Variants in TRPC6 observed in about 807,000 individuals in gnomAD.
The protein encoded by TRPC6 is short transient receptor potential channel 6.
In TRPC6, 55 loss-of-function variants were observed where a neutral mutation model predicts 90.7. The ratio of observed to expected loss-of-function variants is 0.61; its 90% CI spans 0.49 to 0.76. The LOEUF (loss-of-function observed/expected upper bound fraction) is 0.76. Ranked by LOEUF, TRPC6 falls within the 30% of genes least tolerant of loss-of-function variation. The probability of loss-of-function intolerance (pLI) is 0.00; values close to 1 mark genes in which losing one functional copy is unlikely to be tolerated. For missense variants in TRPC6, 989 were observed against 1,122.7 expected (o/e 0.88, Z 1.70); for synonymous variants, 393 against 393.0 (o/e 1.00, Z 0.00).
intron 10 of TRPC6, among the ~76,000 whole-genome samples, chr11:101,461,731 C>T (rs1364679044): frequency 1.3e-5 from 2 of 152,072 alleles, no homozygotes; most frequent in East Asian, 1.9e-4. Context: ...TTTGCAGGTA[C>T]CAAAACTATA....
chr11:101,583,453 G>C lies in TRPC6; in HGVS notation c.51C>G (p.Gly17=), dbSNP rs1862250209. The C allele has an allele frequency of 2.6e-6, 4 of 1,535,476 alleles. No individual in the cohort carries two copies. Among genetic ancestry groups the C allele is most frequent in the Non-Finnish European group, 3.5e-6 (4 of 1,139,860 alleles). Residue 17 remains glycine, a synonymous_variant, in exon 1 of 13, where the codon GGC becomes GGG. Coordinates refer to ENST00000344327, the MANE Select transcript of TRPC6 (RefSeq NM_004621.6). The part of the protein sequence containing the change: ...FGPRRGSSPR[G]AAGAAARRNE... ...TGCGCCGCGCAGCGGCTCCGGCAGC[G>C]CCCCGGGGAGAACTGCCCCTCCGGG...
chr11:101,477,397 A>C (rs904484911), intron 5 of TRPC6, among the ~76,000 whole-genome samples: 2 of 151,918 alleles, frequency 1.3e-5, no homozygotes, highest in African/African-American at 4.8e-5. Context: ...ACTAACATAC[A>C]CTGGAAAAAT....
In TRPC6 at chr11:101,471,294, C is replaced by A; in HGVS notation, c.2298G>T (p.Leu766=). Residue 766 remains leucine (L), a synonymous_variant, in exon 9 of 13, where the codon CTG becomes CTT. Transcript: ENST00000344327. ...EGRTLPVPFN[L]VPSPKSLFYL... is the part of the protein sequence containing the mutation. ...AAAACAGGGACTTTGGACTCGGCACCAGATTGAAGGGTACAGGAAGTGTTC... is the reference window on the plus strand; with the variant it reads ...AAAACAGGGACTTTGGACTCGGCACAAGATTGAAGGGTACAGGAAGTGTTC... The A allele has an allele frequency of 6.2e-7, 1 of 1,613,936 alleles. No homozygotes were observed. The highest frequency in any genetic ancestry group is 8.5e-7 in the Non-Finnish European group (1 of 1,179,890).
At chr11:101,465,333 T>C (rs1859117233) in intron 10 of TRPC6, among the ~76,000 whole-genome samples, 3 of 152,256 alleles carry the variant, frequency 2.0e-5, no homozygotes, top group Admixed American at 1.3e-4. Context: ...AATGTTGGCC[T>C]GTCTTACTGG....
At chr11:101,549,696 AAAT>A (rs1239983224) in intron 1 of TRPC6, among the ~76,000 whole-genome samples, 1 of 141,898 alleles carries the variant, frequency 7.0e-6, no homozygotes, top group Non-Finnish European at 1.5e-5. Flanking sequence ...GAATATTTCA[AAAT>A]AAATAATAAA....
intron 2 of TRPC6, among the ~76,000 whole-genome samples, chr11:101,499,605 T>TAC (rs1268542408): frequency 2.8e-5 from 3 of 106,010 alleles, no homozygotes; most frequent in African/African-American, 1.2e-4. Flanking sequence ...TACGTATATA[T>TAC]GGTATATATA....
At chr11:101,570,549 C>T (rs890561246) in intron 1 of TRPC6, among the ~76,000 whole-genome samples, 1 of 152,118 alleles carries the variant, frequency 6.6e-6, no homozygotes, top group Non-Finnish European at 1.5e-5. Context: ...CTGATACCAA[C>T]ACCTGGCAGA....
At chr11:101,556,095 A>C (rs1422167525) in intron 1 of TRPC6, among the ~76,000 whole-genome samples, 1 of 152,204 alleles carries the variant, frequency 6.6e-6, no homozygotes, top group African/African-American at 2.4e-5. Context: ...AGCTTATAGC[A>C]ATAAACACCT....
intron 10 of TRPC6, chr11:101,455,718 A>G (rs989109672): frequency 6.6e-6 from 1 of 152,380 alleles, no homozygotes; most frequent in African/African-American, 2.4e-5. Context: ...TTAACATGCT[A>G]AGAGGATGAT....
chr11:101,460,879 C>T (rs191872314), intron 10 of TRPC6, among the ~76,000 whole-genome samples: 122 of 152,292 alleles, frequency 8.0e-4, no homozygotes, highest in African/African-American at 2.8e-3. Flanking sequence ...GAGAGGGACA[C>T]TGTTATTCTT....
In TRPC6 at chr11:101,519,166, T is replaced by C. The variant is rs997943134; in HGVS notation, c.171-14368A>G. The stretch of plus-strand genomic sequence containing the variant: ...ACCATAGTCAATAATGACTTAACTG[T>C]GTATTTAAAAATAATGTGAAGAATG... On this transcript the variant is annotated intron_variant, in intron 1 of 12. Transcript: ENST00000344327. 1.3e-5 allele frequency among the ~76,000 whole-genome samples: 2 copies of C among 152,168 alleles called. 1 individual carries two copies. The highest frequency in any genetic ancestry group is 1.3e-4 in the Admixed American group (2 of 15,274).
intron 1 of TRPC6, among the ~76,000 whole-genome samples, chr11:101,567,671 C>G (rs370631303): frequency 6.6e-6 from 1 of 152,194 alleles, no homozygotes; most frequent in Non-Finnish European, 1.5e-5. Context: ...GAGGAAGGAA[C>G]AGGCAGCAAT....
chr11:101,461,968 C>T (rs1237092800), intron 10 of TRPC6, among the ~76,000 whole-genome samples: 1 of 152,114 alleles, frequency 6.6e-6, no homozygotes, highest in African/African-American at 2.4e-5. Flanking sequence ...AATTTAATGA[C>T]CCTTTGAGGC....
intron 1 of TRPC6, among the ~76,000 whole-genome samples, chr11:101,527,846 G>A (rs1860815242): frequency 6.6e-6 from 1 of 151,992 alleles, no homozygotes; most frequent in South Asian, 2.1e-4. Flanking sequence ...GGCCAAGGTG[G>A]GCGAATCATG....
At chr11:101,477,169 C>T (rs1287735401) in intron 5 of TRPC6, among the ~76,000 whole-genome samples, 1 of 151,010 alleles carries the variant, frequency 6.6e-6, no homozygotes, top group East Asian at 1.9e-4. Context: ...CCAACCTTTC[C>T]TTAGACTGTG....
At chr11:101,468,844 A>G (rs1174415756) in intron 10 of TRPC6, among the ~76,000 whole-genome samples, 2 of 151,998 alleles carry the variant, frequency 1.3e-5, no homozygotes. Context: ...TTTCCTAATC[A>G]TTCCTTTATC....
Position 101,472,127 on chromosome 11 carries a change from G to T in TRPC6, c.2205+10C>A. ...AAGGCACAAATTATAAAAATGTATT[G>T]AGATTATACCTCAATTTCCTGGAAT... On this transcript the variant is annotated intron_variant, in intron 8 of 12. Coordinates refer to ENST00000344327, the MANE Select transcript of TRPC6 (RefSeq NM_004621.6). 6.2e-7 allele frequency: 1 copy of T among 1,610,004 alleles called. No individual in the cohort carries two copies. Among genetic ancestry groups the T allele is most frequent in the South Asian group, 1.1e-5 (1 of 90,856 alleles).
Position 101,583,460 on chromosome 11 carries a change from G to A in TRPC6, c.44C>T (p.Pro15Leu). ...CGCAGCGGCTCCGGCAGCGCCCCGG[G>A]GAGAACTGCCCCTCCGGGGCCCGAA... is the stretch of plus-strand genomic sequence containing the variant. ...PAFGPRRGSS[P>L]RGAAGAAARR... is the part of the protein sequence containing the mutation. The change falls in exon 1 of 13, where the codon CCC becomes CTC. Residue 15 changes from proline to leucine, a missense_variant. Pro to Leu is a moderately conservative substitution (Grantham distance 98). This residue lies in a region of TRPC6 where 194 missense variants were observed against 136.5 expected (regional missense o/e 1.42). Transcript: ENST00000344327. The A allele has an allele frequency of 2.0e-6, 3 of 1,533,010 alleles. No individual in the cohort carries two copies. Among genetic ancestry groups the A allele is most frequent in the Non-Finnish European group, 2.6e-6 (3 of 1,138,564 alleles). 95.0% of individuals were successfully genotyped at this position (1,533,010 alleles called of 1,614,324 possible).
intron 1 of TRPC6, among the ~76,000 whole-genome samples, chr11:101,511,492 G>A (rs917108488): frequency 2.6e-5 from 4 of 152,018 alleles, no homozygotes; most frequent in East Asian, 1.9e-4. Context: ...GACTGCAAAC[G>A]ACTACAATGT....
Sources: gnomAD v4.1 joint callset for allele counts (sites outside exome capture counted in the v4.1 genomes callset) on GRCh38, gnomAD v4.1.1 for gene constraint, gnomAD v4.1.1 regional missense constraint, MANE v1.5 for transcripts, NCBI Gene and HGNC (gene_info 2026-07-23, HGNC 2026-07-21) for gene names.